The following ITGA2 variants were observed in gnomAD, a reference collection of about 807,000 sequenced individuals.
ITGA2 encodes the protein integrin alpha-2.
In ITGA2, 101 loss-of-function variants were observed where a neutral mutation model predicts 146.3. That is an observed-to-expected ratio of 0.69 (90% CI 0.59 to 0.81). The LOEUF (loss-of-function observed/expected upper bound fraction) is 0.81, where lower values mean the gene tolerates loss of function less well. ITGA2 is among the 40% of genes least tolerant of loss of function. The pLI is 0.00. For synonymous variants in ITGA2, 477 were observed against 487.1 expected, an observed-to-expected ratio of 0.98 and a Z score of 0.27; for missense variants, 1,281 against 1,402.7, an observed-to-expected ratio of 0.91 and a Z score of 1.39.
chr5:53,073,714 T>C (rs892456164), intron 20 of ITGA2, among the ~76,000 whole-genome samples: 2 of 151,816 alleles, frequency 1.3e-5, no homozygotes, highest in African/African-American at 4.8e-5. Flanking sequence ...GAGTGCTCCC[T>C]GGTCCCTCCT....
At chr5:53,041,514 A>C (rs901499298) in intron 2 of ITGA2, among the ~76,000 whole-genome samples, 1 of 152,142 alleles carries the variant, frequency 6.6e-6, no homozygotes, top group African/African-American at 2.4e-5. Flanking sequence ...CATAGAAAGC[A>C]CTCAGCAAAG....
intron 3 of ITGA2, 77 bp from the exon 4 acceptor site, chr5:53,044,924 G>A (rs1744002220): frequency 6.2e-6 from 6 of 965,272 alleles, no homozygotes; most frequent in Non-Finnish European, 1.0e-5. Context: ...AAACATGGGT[G>A]TGCCTGTTTT....
At position 53,090,145 on chromosome 5, in the gene ITGA2, T is replaced by C. The variant is rs2112051711; in HGVS notation, c.3465+83T>C. On this transcript the variant is annotated intron_variant, in intron 29 of 29. Coordinates refer to ENST00000296585, the MANE Select transcript of ITGA2 (RefSeq NM_002203.4). ...CTTACAAAACATCAACTTCAGGTTTTATATGGTACCTTCTCTATCACAAGG... is the reference window on the plus strand; with the variant it reads ...CTTACAAAACATCAACTTCAGGTTTCATATGGTACCTTCTCTATCACAAGG... 3.6e-6 allele frequency: 3 copies of C among 837,500 alleles called. No homozygotes were observed. In the South Asian group the frequency reaches 4.1e-5, roughly 11 times the overall value. The allele number at this position is 837,500 out of a possible 1,614,324, so 51.9% of individuals were successfully genotyped here.
chr5:53,038,222 A>AG (rs61125693), intron 2 of ITGA2, among the ~76,000 whole-genome samples: 2 of 149,472 alleles, frequency 1.3e-5, no homozygotes, highest in East Asian at 3.9e-4. Flanking sequence ...AAAAAAAAAA[A>AG]CAGTTAAATT....
chr5:52,995,293 G>A (rs927609037), intron 1 of ITGA2, among the ~76,000 whole-genome samples: 6 of 152,204 alleles, frequency 3.9e-5, no homozygotes, highest in African/African-American at 1.4e-4. Flanking sequence ...GATGAGGAGA[G>A]TGGGTTGGAT....
intron 1 of ITGA2, among the ~76,000 whole-genome samples, chr5:53,001,062 G>A (rs1457305477): frequency 6.6e-6 from 1 of 151,610 alleles, no homozygotes; most frequent in Admixed American, 6.6e-5. Context: ...CCACCATGCT[G>A]GGCTAATTTT....
At chr5:53,028,665 G>T (rs751858292) in intron 2 of ITGA2, among the ~76,000 whole-genome samples, 95 of 152,126 alleles carry the variant, frequency 6.2e-4, no homozygotes, top group Non-Finnish European at 1.0e-3. Flanking sequence ...CCACTTTAAT[G>T]CCCAGTAGAC....
At position 53,091,041 on chromosome 5, in the gene ITGA2, AC is replaced by A; in HGVS notation, c.*443del. On this transcript the variant is annotated 3_prime_UTR_variant, in exon 30 of 30. Transcript: ENST00000296585. ...AAGTGCTTGATATGTAAGTACTTCC[AC>A]TTGTGTATATTTTAATGAATATTGA... The A allele has an allele frequency of 3.0e-6, 1 of 338,274 alleles. No individual in the cohort carries two copies. 21.0% of individuals were successfully genotyped at this position (338,274 alleles called of 1,614,324 possible).
intron 11 of ITGA2, 80 bp downstream of exon 11, chr5:53,060,092 T>A: frequency 7.0e-7 from 1 of 1,422,080 alleles, no homozygotes; most frequent in Non-Finnish European, 9.9e-7. Context: ...TCAGGGTGAG[T>A]TCAGCAAAAT....
chr5:53,090,798 G>A lies in ITGA2; in HGVS notation c.*199G>A. On this transcript the variant is annotated 3_prime_UTR_variant, in exon 30 of 30. Coordinates refer to ENST00000296585, the MANE Select transcript of ITGA2 (RefSeq NM_002203.4). Reference sequence around the variant, plus strand: ...GGGGGAGGTGCGGGGGGCAGGTAGGGAAATAATAGGGAAAATACCTATTTT... The same window carrying A: ...GGGGGAGGTGCGGGGGGCAGGTAGGAAAATAATAGGGAAAATACCTATTTT... 17 of 606,798 alleles carry A rather than the reference G, an allele frequency of 2.8e-5. No individual in the cohort carries two copies. Among genetic ancestry groups the A allele is most frequent in the South Asian group, 7.9e-5 (4 of 50,528 alleles). The allele number at this position is 606,798 out of a possible 1,614,324, so 37.6% of individuals were successfully genotyped here.
At chr5:53,014,602 G>T (rs570744730) in intron 1 of ITGA2, among the ~76,000 whole-genome samples, 1 of 152,218 alleles carries the variant, frequency 6.6e-6, no homozygotes, top group East Asian at 1.9e-4. Flanking sequence ...TTAGAATAAT[G>T]CTGGCTTCAT....
At chr5:53,044,951 G>A (rs1210853739) in intron 3 of ITGA2, 50 bp from the exon 4 acceptor site, 3 of 1,369,968 alleles carry the variant, frequency 2.2e-6, no homozygotes, top group Non-Finnish European at 2.1e-6. Flanking sequence ...ATATCTTTAA[G>A]TAAACGAGGA....
At chr5:53,004,917 T>G (rs1561281538) in intron 1 of ITGA2, among the ~76,000 whole-genome samples, 2 of 115,680 alleles carry the variant, frequency 1.7e-5, no homozygotes, top group East Asian at 4.5e-4. Flanking sequence ...TTTTTTTTTT[T>G]TTTTTTTTTT....
chr5:53,063,436 A>T (rs1744992788), intron 13 of ITGA2, among the ~76,000 whole-genome samples: 1 of 151,844 alleles, frequency 6.6e-6, no homozygotes, highest in Non-Finnish European at 1.5e-5. Context: ...CATGTATCCA[A>T]CTCTTGAAGT....
At position 53,056,080 on chromosome 5, in the gene ITGA2, A is replaced by G; in HGVS notation, c.1027A>G (p.Asn343Asp). 5.0e-6 allele frequency: 8 copies of G among 1,612,032 alleles called. No individual in the cohort carries two copies. Among genetic ancestry groups the G allele is most frequent in the Non-Finnish European group, 6.8e-6 (8 of 1,178,806 alleles). The change falls in exon 9 of 30, where the codon AAT becomes GAT. Residue 343 changes from asparagine (N) to aspartate (D), a missense_variant. Around this residue, in one of 3 missense-constraint regions of ITGA2, gnomAD observed 795 missense variants for 841.7 expected, o/e 0.94. Coordinates refer to ENST00000296585, the MANE Select transcript of ITGA2 (RefSeq NM_002203.4). ...ASIPTERYFF[N>D]VSDEAALLEK... is the part of the protein sequence containing the mutation. The stretch of plus-strand genomic sequence containing the variant: ...TATTCCAACAGAAAGATACTTTTTC[A>G]ATGTGTCTGATGAAGCAGCTCTACT...
chr5:53,074,315 C>T (rs1745548743), intron 20 of ITGA2, 70 bp from the exon 21 acceptor site: 1 of 1,179,948 alleles, frequency 8.5e-7, no homozygotes, highest in Non-Finnish European at 1.3e-6. Flanking sequence ...ACCTCTTTTA[C>T]CAGGTGCGTG....
At chr5:53,003,324 G>C (rs1392551843) in intron 1 of ITGA2, among the ~76,000 whole-genome samples, 1 of 152,140 alleles carries the variant, frequency 6.6e-6, no homozygotes, top group Non-Finnish European at 1.5e-5. Flanking sequence ...TGAATCTGTA[G>C]ACTGTTCTGG....
intron 14 of ITGA2, 137 bp downstream of exon 14, chr5:53,065,252 GC>G: frequency 1.1e-6 from 1 of 876,704 alleles, no homozygotes; most frequent in South Asian, 1.4e-5. Context: ...TATAAAGTGA[GC>G]CTCTACTGTG....
At chr5:53,081,556 G>T (rs981015372) in intron 25 of ITGA2, 36 bp from the exon 26 acceptor site, 1 of 1,466,624 alleles carries the variant, frequency 6.8e-7, no homozygotes, top group Non-Finnish European at 9.5e-7. Context: ...AAACTGTTTT[G>T]CTTCTGAAGT....
Sources: allele counts gnomAD v4.1 joint callset (sites outside exome capture counted in the v4.1 genomes callset), GRCh38; gene constraint gnomAD v4.1.1; regional missense constraint gnomAD v4.1.1; transcripts MANE v1.5; gene names NCBI Gene and HGNC (gene_info 2026-07-23, HGNC 2026-07-21).